Variants in PARD6B observed in about 807,000 individuals in gnomAD.
The protein encoded by PARD6B is partitioning defective 6 homolog beta.
Under a neutral mutation model 10.5 loss-of-function variants are expected in PARD6B, and 4 were observed. The observed-to-expected ratio is 0.38, with a 90% CI of 0.19 to 0.87. PARD6B has a LOEUF of 0.87. PARD6B is among the 40% of genes least tolerant of loss of function. The probability of loss-of-function intolerance (pLI) is 0.41; values close to 1 mark genes in which losing one functional copy is unlikely to be tolerated. For synonymous variants in PARD6B, 169 were observed against 170.4 expected, an observed-to-expected ratio of 0.99 and a Z score of 0.07; for missense variants, 396 against 470.6, an observed-to-expected ratio of 0.84 and a Z score of 1.47.
At position 50,751,332 on chromosome 20, in the gene PARD6B, GTTTCT is replaced by G. The variant is rs1336534949; in HGVS notation, c.*857_*861del. On this transcript the variant is annotated 3_prime_UTR_variant, in exon 3 of 3. Coordinates refer to ENST00000371610, the MANE Select transcript of PARD6B (RefSeq NM_032521.3). ...AATGATGTTCTCAAGTACATTTCCAGTTTCTTTTCTTTTCTTTCTTTTTTTTTTTT... is the reference window on the plus strand; with the variant it reads ...AATGATGTTCTCAAGTACATTTCCAGTTTCTTTTCTTTCTTTTTTTTTTTT... The G allele has an allele frequency of 3.8e-6, 3 of 783,840 alleles. No homozygotes were observed. Among genetic ancestry groups the G allele is most frequent in the East Asian group, 1.4e-4 (1 of 7,404 alleles). The allele number at this position is 783,840 out of a possible 1,614,324, so 48.6% of individuals were successfully genotyped here. A position where few individuals can be genotyped will look rare whatever the true frequency, so the allele number is the denominator to read the frequency against.
At chr20:50,743,838 T>G (rs1046598015) in intron 2 of PARD6B, among the ~76,000 whole-genome samples, 17 of 143,186 alleles carry the variant, frequency 1.2e-4, no homozygotes, top group East Asian at 2.1e-4. Flanking sequence ...GCAGTGAGCC[T>G]AGATCGCGCC....
At position 50,750,774 on chromosome 20, in the gene PARD6B, A is replaced by T; in HGVS notation, c.*286A>T. The T allele has an allele frequency of 6.0e-6, 7 of 1,163,148 alleles. No homozygotes were observed. Among genetic ancestry groups the T allele is most frequent in the Non-Finnish European group, 7.5e-6 (7 of 938,974 alleles). The allele number at this position is 1,163,148 out of a possible 1,614,324, so 72.1% of individuals were successfully genotyped here. ...GATGTTAAAGCACATTCTTGGAACT[A>T]TGTGAGAAGACTAGATCATTTCTGT... On this transcript the variant is annotated 3_prime_UTR_variant, in exon 3 of 3. Coordinates refer to ENST00000371610, the MANE Select transcript of PARD6B (RefSeq NM_032521.3).
chr20:50,753,730 G>T lies in PARD6B; in HGVS notation c.*3242G>T, dbSNP rs1326272610. ...ATTTTTTACAAATAAAGATAGACTT[G>T]TATAAAGGCTACTTTCTTGTTTGAA... On this transcript the variant is annotated 3_prime_UTR_variant, in exon 3 of 3. Transcript: ENST00000371610. 7 of 654,608 alleles carry T rather than the reference G, an allele frequency of 1.1e-5. No homozygotes were observed. The South Asian group carries it at 2.1e-4, about 19-fold the overall frequency. The allele number at this position is 654,608 out of a possible 1,614,324, so 40.5% of individuals were successfully genotyped here. A position where few individuals can be genotyped will look rare whatever the true frequency, so the allele number is the denominator to read the frequency against.
intron 2 of PARD6B, among the ~76,000 whole-genome samples, chr20:50,741,044 T>C (rs373783113): frequency 1.1e-4 from 17 of 149,966 alleles, no homozygotes; most frequent in East Asian, 5.9e-4. Context: ...CACTGCAACC[T>C]CTGCTTCCCA....
chr20:50,748,969 T>G (rs1433304738), intron 2 of PARD6B, among the ~76,000 whole-genome samples: 2 of 151,364 alleles, frequency 1.3e-5, no homozygotes, highest in Non-Finnish European at 3.0e-5. Flanking sequence ...AGGCCAGGAG[T>G]TCAAAACCAG....
chr20:50,739,981 T>C (rs2087522917), intron 2 of PARD6B, among the ~76,000 whole-genome samples: 1 of 44,158 alleles, frequency 2.3e-5, no homozygotes. Flanking sequence ...AGAGCATATC[T>C]TGATGGTTTG....
chr20:50,734,417 G>A (rs548207352), intron 1 of PARD6B, among the ~76,000 whole-genome samples: 3 of 152,060 alleles, frequency 2.0e-5, no homozygotes, highest in Non-Finnish European at 4.4e-5. Context: ...CACGATCACG[G>A]CTCACTGCAG....
chr20:50,731,880 G>C, intron 1 of PARD6B, 28 bp downstream of exon 1: 1 of 1,409,480 alleles, frequency 7.1e-7, no homozygotes, highest in Non-Finnish European at 9.2e-7. Flanking sequence ...TGGGCGGAGC[G>C]GCGGGCCTGG....
At chr20:50,748,331 G>A (rs1177321237) in intron 2 of PARD6B, among the ~76,000 whole-genome samples, 4 of 152,348 alleles carry the variant, frequency 2.6e-5, no homozygotes, top group East Asian at 3.9e-4. Flanking sequence ...ACGACAGAGC[G>A]AGACTCCGTC....
In PARD6B at chr20:50,752,108, GTTTTAAAA is replaced by G; in HGVS notation, c.*1621_*1628del. On this transcript the variant is annotated 3_prime_UTR_variant, in exon 3 of 3. Transcript: ENST00000371610. The stretch of plus-strand genomic sequence containing the variant: ...AATTCTGTATGGCTATATAATTTAT[GTTTTAAAA>G]GGCAATTCTCTTGACTTTGGAAATA... 8.1e-6 allele frequency: 8 copies of G among 985,312 alleles called. No individual in the cohort carries two copies. The highest frequency in any genetic ancestry group is 9.6e-6 in the Non-Finnish European group (8 of 829,546). The allele number at this position is 985,312 out of a possible 1,614,324, so 61.0% of individuals were successfully genotyped here.
rs781637858 is a variant in PARD6B at position 50,750,242 on chromosome 20, C to G, written c.873C>G (p.Ser291Arg). ...EPSFEPEDEDSEEDDIIIEDN... is the reference protein window; with the variant it reads ...EPSFEPEDEDREEDDIIIEDN... ...GCTTTGAGCCAGAGGATGAAGACAG[C>G]GAAGAAGATGACATTATCATTGAAG... The change falls in exon 3 of 3, where the codon AGC becomes AGG. Residue 291 changes from serine to arginine, a missense_variant. Transcript: ENST00000371610. 2.5e-6 allele frequency: 4 copies of G among 1,614,112 alleles called. No individual in the cohort carries two copies. The highest frequency in any genetic ancestry group is 2.5e-6 in the Non-Finnish European group (3 of 1,180,010).
rs2087616095 is a variant in PARD6B, at chr20:50,752,157, T to A, written c.*1669T>A. On this transcript the variant is annotated 3_prime_UTR_variant, in exon 3 of 3. Coordinates refer to ENST00000371610, the MANE Select transcript of PARD6B (RefSeq NM_032521.3). The stretch of plus-strand genomic sequence containing the variant: ...TTTGGAAATATGGAAGTCTCTCCTT[T>A]AACCTATTCTTGTTCCCATTCCCAG... 2 of 985,524 alleles carry A rather than the reference T, an allele frequency of 2.0e-6. No individual in the cohort carries two copies. The highest frequency in any genetic ancestry group is 1.7e-5 in the African/African-American group (1 of 57,236). 61.0% of individuals were successfully genotyped at this position (985,524 alleles called of 1,614,324 possible).
intron 1 of PARD6B, among the ~76,000 whole-genome samples, chr20:50,736,430 G>A (rs568770612): frequency 1.3e-5 from 2 of 152,174 alleles, no homozygotes; most frequent in Non-Finnish European, 2.9e-5. Flanking sequence ...GAGTTCAGTG[G>A]TTAAACACAT....
Position 50,751,717 on chromosome 20 carries a change from A to C in PARD6B, c.*1229A>C. ...AGTTACTTCCCATGTTATAAAGCTG[A>C]GGAAGCTTTTTTTTTTTTTTTTTGA... On this transcript the variant is annotated 3_prime_UTR_variant, in exon 3 of 3. Transcript: ENST00000371610. 1 of 934,128 alleles carries C rather than the reference A, an allele frequency of 1.1e-6. No individual in the cohort carries two copies. The highest frequency in any genetic ancestry group is 1.3e-6 in the Non-Finnish European group (1 of 793,084). 57.9% of individuals were successfully genotyped at this position (934,128 alleles called of 1,614,324 possible).
intron 1 of PARD6B, among the ~76,000 whole-genome samples, chr20:50,732,919 T>C (rs985262302): frequency 5.0e-5 from 7 of 141,392 alleles, no homozygotes; most frequent in African/African-American, 1.8e-4. Context: ...AAAAAAAAAG[T>C]AATGGAGCAT....
intron 2 of PARD6B, among the ~76,000 whole-genome samples, chr20:50,739,317 C>T (rs906840232): frequency 8.6e-5 from 13 of 152,014 alleles, no homozygotes; most frequent in African/African-American, 2.9e-4. Context: ...CATGGTGGCA[C>T]ATGTCTGTAA....
rs927013544 is a variant in PARD6B at position 50,736,345 on chromosome 20, T to C, written c.67-1512T>C. Among the ~76,000 whole-genome samples, 5 of 152,220 alleles carry C rather than the reference T, an allele frequency of 3.3e-5. No individual in the cohort carries two copies. In the South Asian group the frequency reaches 1.0e-3, roughly 31 times the overall value. On this transcript the variant is annotated intron_variant, in intron 1 of 2. Transcript: ENST00000371610. ...TAAGGCTGTACCAACAGTATTTCTC[T>C]TTTCCTTTTTTCTCTGGGACATAAT...
At chr20:50,747,489 C>CTTTTTTTTTTTTTTTTTTTTTT (rs58629233) in intron 2 of PARD6B, among the ~76,000 whole-genome samples, 103 of 33,346 alleles carry the variant, frequency 3.1e-3, no homozygotes, top group East Asian at 8.3e-3. Context: ...TTCTTTCTTT[C>CTTTTTTTTTTTTTTTTTTTTTT]TTTTTTTTTT....
intron 2 of PARD6B, among the ~76,000 whole-genome samples, chr20:50,739,460 A>G (rs974656865): frequency 6.6e-6 from 1 of 152,082 alleles, no homozygotes; most frequent in Non-Finnish European, 1.5e-5. Flanking sequence ...TTGAAAAGAA[A>G]GTAGCTTGAG....
Sources: allele counts gnomAD v4.1 joint callset (sites outside exome capture counted in the v4.1 genomes callset), GRCh38; gene constraint gnomAD v4.1.1; transcripts MANE v1.5; gene names NCBI Gene and HGNC (gene_info 2026-07-23, HGNC 2026-07-21).